Variants in TRAPPC9 observed in about 807,000 individuals in gnomAD.
The protein encoded by TRAPPC9 is IKK2 binding protein.
Under a neutral mutation model 124.0 loss-of-function variants are expected in TRAPPC9, and 83 were observed. The observed-to-expected ratio is 0.67, with a 90% CI of 0.56 to 0.80. TRAPPC9 has a LOEUF of 0.80. TRAPPC9 is among the 30% of genes least tolerant of loss of function. TRAPPC9 has a pLI of 0.00. For missense variants in TRAPPC9, 1,302 were observed against 1,508.3 expected (o/e 0.86, Z 2.27); for synonymous variants, 638 against 617.5 (o/e 1.03, Z -0.49).
intron 17 of TRAPPC9, among the ~76,000 whole-genome samples, chr8:140,199,156 T>C (rs2062730191): frequency 6.6e-6 from 1 of 152,122 alleles, no homozygotes; most frequent in African/African-American, 2.4e-5. Flanking sequence ...GCAGGGCTTC[T>C]TGCACGTGAA....
chr8:140,046,833 A>G (rs2132060419), intron 17 of TRAPPC9, among the ~76,000 whole-genome samples: 1 of 152,296 alleles, frequency 6.6e-6, no homozygotes, highest in South Asian at 2.1e-4. Flanking sequence ...ATCTGGGTTC[A>G]TATCTTAGCT....
intron 21 of TRAPPC9, among the ~76,000 whole-genome samples, chr8:139,841,072 C>G (rs1423098724): frequency 6.6e-6 from 1 of 152,194 alleles, no homozygotes; most frequent in East Asian, 1.9e-4. Context: ...AGGATGCTGG[C>G]AGGACCGCAT....
intron 15 of TRAPPC9, among the ~76,000 whole-genome samples, chr8:140,266,013 C>G (rs772699848): frequency 1.3e-5 from 2 of 152,132 alleles, no homozygotes; most frequent in East Asian, 3.8e-4. Flanking sequence ...GTATATGTTT[C>G]TATTTGTATC....
rs147545954 is a variant in TRAPPC9, at chr8:140,145,424, T to C, written c.2556+76035A>G. Among the ~76,000 whole-genome samples the C allele has an allele frequency of 7.1e-3, 1,083 of 152,264 alleles. 5 individuals carry two copies. Among genetic ancestry groups the C allele is most frequent in the Non-Finnish European group, 0.012 (820 of 68,036 alleles). ...CATTAAGTATGTTTCCTAGAGATTTTTGACAGACATCCTTTATTAAGCCAA... is the reference window on the plus strand; with the variant it reads ...CATTAAGTATGTTTCCTAGAGATTTCTGACAGACATCCTTTATTAAGCCAA... On this transcript the variant is annotated intron_variant, in intron 17 of 22. Coordinates refer to ENST00000438773, the MANE Select transcript of TRAPPC9 (RefSeq NM_001160372.4).
At chr8:140,199,652 G>A (rs2062745661) in intron 17 of TRAPPC9, among the ~76,000 whole-genome samples, 1 of 151,342 alleles carries the variant, frequency 6.6e-6, no homozygotes, top group Non-Finnish European at 1.5e-5. Flanking sequence ...AAATCACTAA[G>A]CATCCCAAAG....
At chr8:139,858,369 G>A (rs996357725) in intron 21 of TRAPPC9, among the ~76,000 whole-genome samples, 9 of 152,178 alleles carry the variant, frequency 5.9e-5, no homozygotes, top group African/African-American at 7.2e-5. Context: ...GTGCCTCCCC[G>A]GGGCCTCCGC....
At chr8:139,771,342 T>TC (rs1033317050) in intron 21 of TRAPPC9, among the ~76,000 whole-genome samples, 40 of 152,104 alleles carry the variant, frequency 2.6e-4, no homozygotes, top group African/African-American at 9.2e-4. Context: ...GCGCCTCCTG[T>TC]CACTCATTTC....
At chr8:139,950,807 T>C (rs6999707) in intron 19 of TRAPPC9, among the ~76,000 whole-genome samples, 43,352 of 152,132 alleles carry the variant, frequency 0.28, 6,561 homozygotes, top group East Asian at 0.63. Context: ...AAAAACGGAC[T>C]GATGTAGTGG....
intron 19 of TRAPPC9, chr8:139,932,309 G>A (rs1170834256): frequency 4.4e-6 from 2 of 457,736 alleles, no homozygotes; most frequent in South Asian, 3.1e-5. Context: ...CCCACCTCGT[G>A]GATGTCAGGC....
chr8:140,264,912 C>T (rs1268500931), intron 15 of TRAPPC9, among the ~76,000 whole-genome samples: 1 of 152,168 alleles, frequency 6.6e-6, no homozygotes, highest in African/African-American at 2.4e-5. Context: ...GGGACTGGAT[C>T]CTGGTAAGTA....
At chr8:139,820,904 AAAT>A (rs1586918226) in intron 21 of TRAPPC9, among the ~76,000 whole-genome samples, 2 of 152,358 alleles carry the variant, frequency 1.3e-5, no homozygotes, top group East Asian at 3.9e-4. Context: ...TAAATTTTAA[AAAT>A]AATAAGAGAG....
intron 17 of TRAPPC9, among the ~76,000 whole-genome samples, chr8:140,033,658 G>T (rs556106238): frequency 0.036 from 1,539 of 42,376 alleles, 35 homozygotes; most frequent in Middle Eastern, 0.12. Flanking sequence ...TCATAATGTG[G>T]TTTTTTTTTT....
chr8:139,804,084 G>A lies in TRAPPC9; in HGVS notation c.3056-71882C>T, dbSNP rs987137485. On this transcript the variant is annotated intron_variant, in intron 21 of 22. Coordinates refer to ENST00000438773, the MANE Select transcript of TRAPPC9 (RefSeq NM_001160372.4). ...CAAGCACCGCCGCCACCACCACGACGCACCACCACCACCACTCACCACCAC... is the reference window on the plus strand; with the variant it reads ...CAAGCACCGCCGCCACCACCACGACACACCACCACCACCACTCACCACCAC... Among the ~76,000 whole-genome samples, 7 of 130,516 alleles carry A rather than the reference G, an allele frequency of 5.4e-5. No individual in the cohort carries two copies. In the East Asian group the frequency reaches 9.6e-4, roughly 18 times the overall value. The allele number at this position is 130,516 out of a possible 152,430, so 85.6% of individuals were successfully genotyped here. A position where few individuals can be genotyped will look rare whatever the true frequency, so the allele number is the denominator to read the frequency against.
At chr8:140,057,673 AC>A (rs2132120502) in intron 17 of TRAPPC9, among the ~76,000 whole-genome samples, 1 of 152,288 alleles carries the variant, frequency 6.6e-6, no homozygotes, top group African/African-American at 2.4e-5. Context: ...GTTTCTGGGG[AC>A]TGGGAGAGGG....
rs1831273758 is a variant in TRAPPC9, at chr8:139,905,212, A to G, written c.2964+4935T>C. On this transcript the variant is annotated intron_variant, in intron 20 of 22. Coordinates refer to ENST00000438773, the MANE Select transcript of TRAPPC9 (RefSeq NM_001160372.4). ...AACTGCACAGACATTACAAACAAGCATGCTCTTATCAAGCAGGAGAGGTCT... is the reference window on the plus strand; with the variant it reads ...AACTGCACAGACATTACAAACAAGCGTGCTCTTATCAAGCAGGAGAGGTCT... Among the ~76,000 whole-genome samples, 3 of 150,510 alleles carry G rather than the reference A, an allele frequency of 2.0e-5. No homozygotes were observed. The South Asian group carries it at 6.6e-4, about 33-fold the overall frequency.
chr8:139,945,397 T>A (rs993963853), intron 19 of TRAPPC9, among the ~76,000 whole-genome samples: 1 of 151,790 alleles, frequency 6.6e-6, no homozygotes, highest in African/African-American at 2.4e-5. Context: ...TAGCAGGACA[T>A]AATACTCACC....
chr8:140,017,495 G>A (rs1839545761), intron 18 of TRAPPC9, among the ~76,000 whole-genome samples: 1 of 152,160 alleles, frequency 6.6e-6, no homozygotes, highest in African/African-American at 2.4e-5. Flanking sequence ...CTTTCCCCAT[G>A]AAATTAGTTT....
At chr8:139,737,184 G>C (rs1349847458) in intron 21 of TRAPPC9, among the ~76,000 whole-genome samples, 1 of 152,138 alleles carries the variant, frequency 6.6e-6, no homozygotes, top group Non-Finnish European at 1.5e-5. Context: ...GGCTTCTATC[G>C]GCGCTCCCCA....
At chr8:140,023,641 G>A (rs776335629) in intron 18 of TRAPPC9, among the ~76,000 whole-genome samples, 2 of 152,196 alleles carry the variant, frequency 1.3e-5, no homozygotes, top group Non-Finnish European at 2.9e-5. Flanking sequence ...GCCAGGCTGG[G>A]CGGGAAATGT....
Sources: allele counts gnomAD v4.1 joint callset (sites outside exome capture counted in the v4.1 genomes callset), GRCh38; gene constraint gnomAD v4.1.1; transcripts MANE v1.5; gene names NCBI Gene and HGNC (gene_info 2026-07-23, HGNC 2026-07-21).